TMEM214: variants seen among roughly 807,000 people sequenced by gnomAD.
The protein encoded by TMEM214 is transmembrane protein 214.
TMEM214 carries 71 observed loss-of-function variants against 89.8 expected under a neutral mutation model. That is an observed-to-expected ratio of 0.79 (90% confidence interval 0.65 to 0.96). TMEM214 has a LOEUF of 0.96. TMEM214 is among the 40% of genes least tolerant of loss of function. The pLI, the probability that TMEM214 is intolerant of heterozygous loss-of-function variation, is 0.00. For missense variants in TMEM214, 754 were observed against 843.4 expected (o/e 0.89, Z 1.31); for synonymous variants, 332 against 349.5 (o/e 0.95, Z 0.56).
intron 2 of TMEM214, 118 bp downstream of exon 2, chr2:27,034,384 G>A: frequency 8.6e-7 from 1 of 1,162,628 alleles, no homozygotes; most frequent in Non-Finnish European, 1.2e-6. Flanking sequence ...CACTTTAAGG[G>A]TTGAGAGGAG....
chr2:27,039,067 G>C lies in TMEM214; in HGVS notation c.1428G>C (p.Gln476His). ...ACCAGGGCCTGTTGCAGCAGGTTCA[G>C]GGTCCTCGGCTGCCCTGGACGCGGC... ...MACKGLLQQV[Q>H]GPRLPWTRLL... Residue 476 changes from glutamine to histidine, a missense_variant, in exon 13 of 17, where the codon CAG becomes CAC. Gln to His is a conservative substitution (Grantham distance 24). Coordinates refer to ENST00000238788, the MANE Select transcript of TMEM214 (RefSeq NM_017727.5). 1.2e-6 allele frequency: 2 copies of C among 1,613,696 alleles called. No individual in the cohort carries two copies. Among genetic ancestry groups the C allele is most frequent in the South Asian group, 2.2e-5 (2 of 91,086 alleles).
rs1324776488 is a variant in TMEM214, at chr2:27,037,742, G to T, written c.1152+40G>T. On this transcript the variant is annotated intron_variant, in intron 9 of 16. Coordinates refer to ENST00000238788, the MANE Select transcript of TMEM214 (RefSeq NM_017727.5). ...GGAGGCTTTTTCTCCTTCCCCAGGG[G>T]TCAGCTGTAGCGGTCCCTATCTGCT... The T allele has an allele frequency of 4.3e-6, 7 of 1,613,922 alleles. No homozygotes were observed. In the South Asian group the frequency reaches 4.4e-5, roughly 10 times the overall value.
chr2:27,036,163 A>G (rs961145583), intron 5 of TMEM214, 111 bp downstream of exon 5: 1 of 925,552 alleles, frequency 1.1e-6, no homozygotes, highest in Non-Finnish European at 1.7e-6. Flanking sequence ...TAAGCCTAGT[A>G]ATAATGGGTA....
rs371716716 is a variant in TMEM214 at position 27,040,033 on chromosome 2, G to A, written c.1626G>A (p.Trp542Ter). The A allele has an allele frequency of 6.2e-7, 1 of 1,603,932 alleles. No homozygotes were observed. The change falls in exon 15 of 17, where the codon TGG becomes TGA. Residue 542 changes from tryptophan (W) to a stop codon, truncating the protein, a stop_gained. Coordinates refer to ENST00000238788, the MANE Select transcript of TMEM214 (RefSeq NM_017727.5). LOFTEE classifies it high-confidence loss of function. ...LYSYSLQGYS[W>*]LGETLPLWGS... ...CCCCCACTTCCATCTTCCACAGCTGGCTGGGGGAGACACTGCCGCTCTGGG... is the reference window on the plus strand; with the variant it reads ...CCCCCACTTCCATCTTCCACAGCTGACTGGGGGAGACACTGCCGCTCTGGG...
Position 27,036,043 on chromosome 2 carries a change from C to A in TMEM214, c.711C>A (p.Asn237Lys). 1 of 1,614,130 alleles carries A rather than the reference C, an allele frequency of 6.2e-7. No individual in the cohort carries two copies. The highest frequency in any genetic ancestry group is 8.5e-7 in the Non-Finnish European group (1 of 1,180,024). ...ACAAGCCCAAGATTGCCACGGCAAA[C>A]CTAGGCAAGGTGAGCTCTCAGTGAT... ...LQDKPKIATA[N>K]LGKFLELLRS... The change falls in exon 5 of 17, where the codon AAC (asparagine) becomes AAA (lysine). Residue 237 changes from asparagine to lysine, a missense_variant. Transcript: ENST00000238788.
intron 4 of TMEM214, 56 bp from the exon 5 acceptor site, chr2:27,035,914 T>A (rs1667540885): frequency 1.9e-6 from 3 of 1,601,556 alleles, no homozygotes; most frequent in Non-Finnish European, 2.6e-6. Flanking sequence ...AATGGGAGAT[T>A]TCAGGTTTGG....
chr2:27,037,712 T>C lies in TMEM214; in HGVS notation c.1152+10T>C, dbSNP rs1667628600. On this transcript the variant is annotated intron_variant, in intron 9 of 16. Coordinates refer to ENST00000238788, the MANE Select transcript of TMEM214 (RefSeq NM_017727.5). ...TGAGATGAAGAAAGAGGTGAGGATATGGTGGGAGGCTTTTTCTCCTTCCCC... is the reference window on the plus strand; with the variant it reads ...TGAGATGAAGAAAGAGGTGAGGATACGGTGGGAGGCTTTTTCTCCTTCCCC... 6.2e-7 allele frequency: 1 copy of C among 1,614,050 alleles called. No homozygotes were observed. The highest frequency in any genetic ancestry group is 8.5e-7 in the Non-Finnish European group (1 of 1,179,990).
chr2:27,039,500 G>T, intron 13 of TMEM214: 1 of 599,564 alleles, frequency 1.7e-6, no homozygotes, highest in Non-Finnish European at 3.0e-6. Flanking sequence ...TCAACCTGAG[G>T]CTTCCTGAAG....
At chr2:27,039,214 C>A in intron 13 of TMEM214, 50 bp downstream of exon 13, 1 of 1,498,876 alleles carries the variant, frequency 6.7e-7, no homozygotes, top group Middle Eastern at 1.7e-4. Flanking sequence ...GGGCACAGAG[C>A]TACACGTAGC....
chr2:27,037,505 A>G (rs754948785), intron 8 of TMEM214, 56 bp from the exon 9 acceptor site: 64 of 1,611,302 alleles, frequency 4.0e-5, no homozygotes, highest in Non-Finnish European at 4.9e-5. Context: ...CAAAAGGTTC[A>G]TATCATACAG....
chr2:27,035,208 T>C lies in TMEM214; in HGVS notation c.425T>C (p.Leu142Ser), dbSNP rs564988128. 1 of 1,614,180 alleles carries C rather than the reference T, an allele frequency of 6.2e-7. No homozygotes were observed. Among genetic ancestry groups the C allele is most frequent in the African/African-American group, 1.3e-5 (1 of 75,024 alleles). ...TTCTCTGGAAACCCATCCATATGGT[T>C]GAAGGACCTGGCCAGCTATCTCAAC... ...SVFSGNPSIW[L>S]KDLASYLNYK... The change falls in exon 3 of 17, where the codon TTG becomes TCG. Residue 142 changes from leucine (L) to serine (S), a missense_variant. By Grantham distance (145) the Leu-to-Ser change is moderately radical. Transcript: ENST00000238788.
At chr2:27,035,803 G>A (rs1036518294) in intron 4 of TMEM214, 75 bp downstream of exon 4, 73 of 1,605,570 alleles carry the variant, frequency 4.5e-5, no homozygotes, top group Non-Finnish European at 6.0e-5. Context: ...CCACTCAGTG[G>A]TTCTGTTTCC....
At chr2:27,034,690 T>G (rs1307947763) in intron 2 of TMEM214, 1 of 207,928 alleles carries the variant, frequency 4.8e-6, no homozygotes, top group Non-Finnish European at 9.8e-6. Context: ...GCAACCTCTG[T>G]CTCCTGCCTC....
At position 27,034,263 on chromosome 2, in the gene TMEM214, A is replaced by G; in HGVS notation, c.348A>G (p.Lys116=). The change falls in exon 2 of 17, where the codon AAA becomes AAG. Residue 116 remains lysine (K), a synonymous_variant. Coordinates refer to ENST00000238788, the MANE Select transcript of TMEM214 (RefSeq NM_017727.5). ...TCCGCAGCCTGGAGGAAGCACTGAA[A>G]GCTGTGAGTGTGCCTAGACATGAGA... The part of the protein sequence containing the change: ...GRFRSLEEAL[K]ALDVADLQKE... 1 of 1,613,628 alleles carries G rather than the reference A, an allele frequency of 6.2e-7. No homozygotes were observed.
chr2:27,033,044 G>C lies in TMEM214; in HGVS notation c.29G>C (p.Arg10Pro). The C allele has an allele frequency of 1.6e-6, 2 of 1,247,270 alleles. No individual in the cohort carries two copies. Among genetic ancestry groups the C allele is most frequent in the African/African-American group, 3.1e-5 (2 of 64,556 alleles). The allele number at this position is 1,247,270 out of a possible 1,614,324, so 77.3% of individuals were successfully genotyped here. The change falls in exon 1 of 17, where the codon CGG (arginine) becomes CCG (proline). Residue 10 changes from arginine to proline, a missense_variant. Transcript: ENST00000238788. Reference protein sequence around the residue: MATKTAGVGRWEVVKKGRRP... With the variant: MATKTAGVGPWEVVKKGRRP... ...GCGACCAAGACGGCGGGCGTGGGGC[G>C]GTGGGAGGTAGTGAAGAAGGGTCGG...
At chr2:27,035,332 C>G (rs370461634) in intron 3 of TMEM214, 47 bp downstream of exon 3, 1 of 1,609,492 alleles carries the variant, frequency 6.2e-7, no homozygotes, top group African/African-American at 1.3e-5. Flanking sequence ...CAAATAAATT[C>G]AAAAAGGGTG....
rs1369690985 is a variant in TMEM214, at chr2:27,040,139, G to A, written c.1732G>A (p.Ala578Thr). 6.2e-7 allele frequency: 1 copy of A among 1,608,348 alleles called. No individual in the cohort carries two copies. The highest frequency in any genetic ancestry group is 2.2e-5 in the East Asian group (1 of 44,870). Residue 578 changes from alanine to threonine, a missense_variant, in exon 15 of 17, where the codon GCC becomes ACC. Coordinates refer to ENST00000238788, the MANE Select transcript of TMEM214 (RefSeq NM_017727.5). The stretch of plus-strand genomic sequence containing the variant: ...CAATGCCACAGTCAGCTTCCTTTCT[G>A]CCCACTGTGCCTCTCACCTTGCGTG... ...HTNATVSFLS[A>T]HCASHLAWFG...
Position 27,036,685 on chromosome 2 carries a change from C to G in TMEM214, c.827-20C>G, listed in dbSNP as rs772394840. ...GTAGGTGCAAGCCTGAGGCCTCCCT[C>G]GTGACTTTTACCCCTGCAGTGTGGC... On this transcript the variant is annotated intron_variant, in intron 6 of 16. Coordinates refer to ENST00000238788, the MANE Select transcript of TMEM214 (RefSeq NM_017727.5). 5.6e-6 allele frequency: 9 copies of G among 1,614,084 alleles called. No individual in the cohort carries two copies. In the South Asian group the frequency reaches 9.9e-5, roughly 18 times the overall value.
chr2:27,036,802 G>A lies in TMEM214; in HGVS notation c.908+16G>A, dbSNP rs751257884. The A allele has an allele frequency of 6.2e-7, 1 of 1,613,594 alleles. No homozygotes were observed. Among genetic ancestry groups the A allele is most frequent in the Admixed American group, 1.7e-5 (1 of 60,010 alleles). On this transcript the variant is annotated intron_variant, in intron 7 of 16. Transcript: ENST00000238788. ...GGCTGCTCCTGTGAGTAATGGGAGG[G>A]CAGCAAGGGGAAGGCTCAGGGTGTC... is the stretch of plus-strand genomic sequence containing the variant.
Sources: allele counts gnomAD v4.1 joint callset, GRCh38; gene constraint gnomAD v4.1.1; transcripts MANE v1.5; gene names NCBI Gene and HGNC (gene_info 2026-07-23, HGNC 2026-07-21).